PCDHA7: variants seen among roughly 807,000 people sequenced by gnomAD.
PCDHA7 encodes protocadherin alpha 7, also known as protocadherin alpha-7.
Under a neutral mutation model 57.2 loss-of-function variants are expected in PCDHA7, and 37 were observed. The observed-to-expected ratio is 0.65, with a 90% confidence interval of 0.50 to 0.85. PCDHA7 has a LOEUF of 0.85. Among genes scored for constraint, PCDHA7 ranks in the 40% least tolerant of loss-of-function variants. PCDHA7 has a pLI of 0.00. For synonymous variants in PCDHA7, 553 were observed against 558.8 expected (o/e 0.99, Z 0.15); for missense variants, 1,188 against 1,241.8 (o/e 0.96, Z 0.65).
Position 140,877,150 on chromosome 5 carries a change from G to C in PCDHA7, c.2355+40412G>C, listed in dbSNP as rs370292278. On this transcript the variant is annotated intron_variant, in intron 1 of 3. Transcript: ENST00000525929. ...GCAGGTGTTCGTGCTGGACGAGAAC[G>C]ACAACGCGCCGGCACTGCTGGCGAC... 1 of 1,613,790 alleles carries C rather than the reference G, an allele frequency of 6.2e-7. No individual in the cohort carries two copies. The highest frequency in any genetic ancestry group is 2.2e-5 in the East Asian group (1 of 44,870).
chr5:140,856,367 G>C, intron 1 of PCDHA7: 1 of 1,598,612 alleles, frequency 6.3e-7, no homozygotes, highest in Non-Finnish European at 8.6e-7. Context: ...CCACCTGGAG[G>C]TGATCGTGGA....
intron 1 of PCDHA7, chr5:140,882,976 T>A: frequency 6.2e-7 from 1 of 1,614,220 alleles, no homozygotes; most frequent in South Asian, 1.1e-5. Context: ...TGGACGTGAA[T>A]GACAACGCCC....
chr5:140,880,090 G>A (rs977793027), intron 1 of PCDHA7, among the ~76,000 whole-genome samples: 3 of 152,136 alleles, frequency 2.0e-5, no homozygotes, highest in Admixed American at 2.0e-4. Context: ...ATTATAGTAG[G>A]CTTAAAATCA....
At chr5:140,846,915 C>G (rs1464406518) in intron 1 of PCDHA7, among the ~76,000 whole-genome samples, 1 of 149,458 alleles carries the variant, frequency 6.7e-6, no homozygotes, top group Non-Finnish European at 1.5e-5. Context: ...CAATCATTTC[C>G]TATTTGAATT....
intron 1 of PCDHA7, chr5:140,883,262 G>A (rs1211665444): frequency 6.2e-7 from 1 of 1,613,838 alleles, no homozygotes; most frequent in Non-Finnish European, 8.5e-7. Context: ...TCCAATGGCG[G>A]GTCATTGTAC....
In PCDHA7 at chr5:140,858,841, A is replaced by G. The variant is rs1390112804; in HGVS notation, c.2355+22103A>G. The G allele has an allele frequency of 1.6e-5, 5 of 314,504 alleles. No homozygotes were observed. The East Asian group carries it at 3.7e-4, about 23-fold the overall frequency. 19.5% of individuals were successfully genotyped at this position (314,504 alleles called of 1,614,324 possible). A position where few individuals can be genotyped will look rare whatever the true frequency, so the allele number is the denominator to read the frequency against. ...TGTATTTGCATTACCAAAAAATTCC[A>G]CTGATCTATATCTCTTCAGTGAAAA... On this transcript the variant is annotated intron_variant, in intron 1 of 3. Coordinates refer to ENST00000525929, the MANE Select transcript of PCDHA7 (RefSeq NM_018910.3).
chr5:140,837,077 T>G (rs1350684380), intron 1 of PCDHA7: 3 of 173,170 alleles, frequency 1.7e-5, no homozygotes, highest in Non-Finnish European at 3.7e-5. Context: ...AATCAATACC[T>G]ATAAATGTTA....
chr5:140,846,112 TTAC>T (rs1780203711), intron 1 of PCDHA7, among the ~76,000 whole-genome samples: 1 of 149,772 alleles, frequency 6.7e-6, no homozygotes. Context: ...GTAGACTATC[TTAC>T]TTTGATAGTT....
At chr5:140,916,009 C>CA (rs541727470) in intron 1 of PCDHA7, among the ~76,000 whole-genome samples, 78 of 152,190 alleles carry the variant, frequency 5.1e-4, no homozygotes, top group Non-Finnish European at 9.6e-4. Flanking sequence ...AACCACAAGA[C>CA]AAAGTCTTTC....
At chr5:140,962,358 T>C (rs1167082870) in intron 1 of PCDHA7, among the ~76,000 whole-genome samples, 4 of 152,230 alleles carry the variant, frequency 2.6e-5, no homozygotes, top group Non-Finnish European at 5.9e-5. Context: ...CCCCCAATAC[T>C]GGCTAGTTTG....
intron 1 of PCDHA7, among the ~76,000 whole-genome samples, chr5:140,940,086 A>G (rs373629874): frequency 6.6e-6 from 1 of 152,214 alleles, no homozygotes; most frequent in African/African-American, 2.4e-5. Flanking sequence ...TTTCTGCTAA[A>G]TTGAAACTTT....
intron 1 of PCDHA7, among the ~76,000 whole-genome samples, chr5:140,948,744 C>A (rs868917864): frequency 3.3e-5 from 5 of 151,312 alleles, no homozygotes; most frequent in South Asian, 2.1e-4. Flanking sequence ...GAGAATTTAT[C>A]AATTTTGCTG....
At chr5:140,873,489 C>G (rs2054319766) in intron 1 of PCDHA7, among the ~76,000 whole-genome samples, 1 of 152,054 alleles carries the variant, frequency 6.6e-6, no homozygotes, top group Admixed American at 6.6e-5. Context: ...CTGATTTCTG[C>G]AAAGTTGTGT....
At position 140,856,827 on chromosome 5, in the gene PCDHA7, T is replaced by C. The variant is rs1201833720; in HGVS notation, c.2355+20089T>C. 4.4e-6 allele frequency: 7 copies of C among 1,592,096 alleles called. 1 individual carries two copies. The African/African-American group carries it at 5.4e-5, about 12-fold the overall frequency. ...GAAAATCAAGTGAACCAAACATTAG[T>C]AATACGGCTCAACGCTTCTGATTCG... is the stretch of plus-strand genomic sequence containing the variant. On this transcript the variant is annotated intron_variant, in intron 1 of 3. Transcript: ENST00000525929.
intron 1 of PCDHA7, chr5:140,843,724 A>G: frequency 6.4e-7 from 1 of 1,561,476 alleles, no homozygotes; most frequent in East Asian, 2.2e-5. Context: ...AAGTAAGTCC[A>G]TTTAAATTTA....
At chr5:140,869,392 G>A in intron 1 of PCDHA7, 1 of 1,614,164 alleles carries the variant, frequency 6.2e-7, no homozygotes, top group Non-Finnish European at 8.5e-7. Context: ...GGAGCTGTGC[G>A]GGCAGAGCGC....
chr5:140,980,030 C>T (rs552658283), intron 2 of PCDHA7, among the ~76,000 whole-genome samples: 29 of 152,292 alleles, frequency 1.9e-4, no homozygotes, highest in Admixed American at 4.6e-4. Flanking sequence ...GAAATCATTA[C>T]ATTGGGTGCT....
chr5:140,925,441 T>G (rs1458646143), intron 1 of PCDHA7, among the ~76,000 whole-genome samples: 1 of 152,136 alleles, frequency 6.6e-6, no homozygotes, highest in African/African-American at 2.4e-5. Context: ...TTAGGCAGAA[T>G]TTGGGTGTAT....
intron 1 of PCDHA7, chr5:140,928,844 C>G (rs782361945): frequency 6.2e-7 from 1 of 1,614,168 alleles, no homozygotes; most frequent in Admixed American, 1.7e-5. Context: ...TCCTCTGTCA[C>G]TCTGGGTGTG....
Sources: allele counts gnomAD v4.1 joint callset (sites outside exome capture counted in the v4.1 genomes callset), GRCh38; gene constraint gnomAD v4.1.1; transcripts MANE v1.5; gene names NCBI Gene and HGNC (gene_info 2026-07-23, HGNC 2026-07-21).